The following IFT80 variants were observed in gnomAD, a reference collection of about 807,000 sequenced individuals.
The protein encoded by IFT80 is intraflagellar transport 80.
A neutral mutation model predicts 107.9 loss-of-function variants in IFT80; 79 were observed. That is an observed-to-expected ratio of 0.73 (90% confidence interval 0.61 to 0.88). IFT80 has a LOEUF of 0.88. Ranked by LOEUF, IFT80 falls within the 40% of genes least tolerant of loss-of-function variation. The probability of loss-of-function intolerance (pLI) is 0.00; values close to 1 mark genes in which losing one functional copy is unlikely to be tolerated. For synonymous variants in IFT80, 299 were observed against 300.9 expected (o/e 0.99, Z 0.07); for missense variants, 797 against 914.2 (o/e 0.87, Z 1.65).
At chr3:160,316,286 T>C (rs1404830677) in intron 9 of IFT80, among the ~76,000 whole-genome samples, 1 of 152,120 alleles carries the variant, frequency 6.6e-6, no homozygotes, top group Admixed American at 6.6e-5. Context: ...ATGACACTGA[T>C]GAACTGAATC....
chr3:160,344,549 A>G (rs1033531717), intron 8 of IFT80, among the ~76,000 whole-genome samples: 1 of 152,184 alleles, frequency 6.6e-6, no homozygotes, highest in Non-Finnish European at 1.5e-5. Context: ...TTCTTGAGTA[A>G]TACTCCACAA....
chr3:160,339,999 C>A (rs540437246), intron 8 of IFT80, among the ~76,000 whole-genome samples: 3 of 152,268 alleles, frequency 2.0e-5, no homozygotes, highest in African/African-American at 7.2e-5. Context: ...TGTTCTACAA[C>A]TAGCCAAAAT....
intron 8 of IFT80, among the ~76,000 whole-genome samples, chr3:160,354,880 C>G (rs1720959633): frequency 1.3e-5 from 2 of 152,198 alleles, no homozygotes; most frequent in Non-Finnish European, 1.5e-5. Context: ...GCTTTTAAAG[C>G]TAGGCAGAGG....
At chr3:160,384,422 T>C (rs919217580) in intron 2 of IFT80, 142 bp downstream of exon 2, 1 of 1,357,070 alleles carries the variant, frequency 7.4e-7, no homozygotes, top group African/African-American at 1.5e-5. Flanking sequence ...TGATCTTAAA[T>C]ACTTTAAAAC....
intron 9 of IFT80, among the ~76,000 whole-genome samples, chr3:160,317,802 T>C (rs964426945): frequency 2.6e-5 from 4 of 151,840 alleles, no homozygotes; most frequent in South Asian, 2.1e-4. Context: ...ACAAACAAAA[T>C]GCAGGACAGA....
chr3:160,392,887 T>C (rs1361263708), intron 1 of IFT80, among the ~76,000 whole-genome samples: 1 of 151,266 alleles, frequency 6.6e-6, no homozygotes. Context: ...CTGGGCAACA[T>C]AGTGAGACCC....
chr3:160,309,784 A>T (rs1290305990), intron 9 of IFT80, among the ~76,000 whole-genome samples: 1 of 147,046 alleles, frequency 6.8e-6, no homozygotes, highest in Admixed American at 6.8e-5. Flanking sequence ...GCTCACATTT[A>T]AAAAAAAAAC....
chr3:160,357,266 A>AT lies in IFT80; in HGVS notation c.639+222dup, dbSNP rs547075339. Among the ~76,000 whole-genome samples the AT allele has an allele frequency of 1.7e-3, 253 of 151,454 alleles. 1 individual carries two copies. Among genetic ancestry groups the AT allele is most frequent in the African/African-American group, 5.6e-3 (232 of 41,316 alleles). ...AGATGTGCTCCATCACAACTGGCTAATTTTTTTTTGTAGAGGTAGGGCCTC... is the reference window on the plus strand; with the variant it reads ...AGATGTGCTCCATCACAACTGGCTAATTTTTTTTTTGTAGAGGTAGGGCCTC... On this transcript the variant is annotated intron_variant, in intron 7 of 19. Transcript: ENST00000326448.
intron 13 of IFT80, among the ~76,000 whole-genome samples, chr3:160,283,398 C>T (rs1235136274): frequency 6.6e-6 from 1 of 152,108 alleles, no homozygotes; most frequent in Middle Eastern, 3.2e-3. Flanking sequence ...ACTACAACAT[C>T]AAGTCATTGT....
intron 7 of IFT80, 50 bp from the exon 8 acceptor site, chr3:160,356,200 C>A: frequency 2.0e-6 from 3 of 1,471,442 alleles, no homozygotes; most frequent in Non-Finnish European, 2.8e-6. Flanking sequence ...GAGAAGTTTG[C>A]AAAAACTAAA....
chr3:160,296,167 T>C (rs1192135267), intron 12 of IFT80, among the ~76,000 whole-genome samples: 1 of 152,116 alleles, frequency 6.6e-6, no homozygotes, highest in African/African-American at 2.4e-5. Flanking sequence ...ATGTTAACTA[T>C]TTCTATCACA....
intron 12 of IFT80, among the ~76,000 whole-genome samples, chr3:160,297,716 T>G (rs760504660): frequency 5.9e-5 from 9 of 152,136 alleles, no homozygotes; most frequent in Non-Finnish European, 1.3e-4. Context: ...GCTTTGGGTT[T>G]GGCTAAATCC....
In IFT80 at chr3:160,300,991, AGCGCCC is replaced by A. The variant is rs2108267254; in HGVS notation, c.1201_1206del (p.Gly401_Arg402del). On this transcript the variant is annotated inframe_deletion, in exon 12 of 20. Coordinates refer to ENST00000326448, the MANE Select transcript of IFT80 (RefSeq NM_020800.3). The stretch of plus-strand genomic sequence containing the variant: ...CCAGGAAATTTTGGAGATGAAATAA[AGCGCCC>A]TTCATATGAATATAAATAGATACTA... 1 of 1,604,330 alleles carries A rather than the reference AGCGCCC, an allele frequency of 6.2e-7. No individual in the cohort carries two copies. The highest frequency in any genetic ancestry group is 8.5e-7 in the Non-Finnish European group (1 of 1,172,948).
chr3:160,276,497 T>C (rs982950139), intron 18 of IFT80, among the ~76,000 whole-genome samples: 2 of 152,110 alleles, frequency 1.3e-5, no homozygotes, highest in African/African-American at 4.8e-5. Context: ...GAAAGACACT[T>C]CAAACCTGGA....
chr3:160,301,695 GTAGT>G (rs1716438809), intron 11 of IFT80, among the ~76,000 whole-genome samples: 1 of 151,922 alleles, frequency 6.6e-6, no homozygotes, highest in Non-Finnish European at 1.5e-5. Context: ...AGGGCTCTCT[GTAGT>G]TAATTTTTTA....
rs368159603 is a variant in IFT80, at chr3:160,372,206, C to T, written c.439+3606G>A. 8.1e-4 allele frequency among the ~76,000 whole-genome samples: 123 copies of T among 152,304 alleles called. 1 individual carries two copies. The South Asian group carries it at 0.025, about 31-fold the overall frequency. ...GACAAAGTCACATGGATGCTTCCAA[C>T]ACTTTACAGATTTCCAAATTTTATG... On this transcript the variant is annotated intron_variant, in intron 5 of 19. Transcript: ENST00000326448.
chr3:160,359,619 G>A (rs1419538505), intron 6 of IFT80, among the ~76,000 whole-genome samples: 1 of 152,136 alleles, frequency 6.6e-6, no homozygotes, highest in Non-Finnish European at 1.5e-5. Context: ...ACACCTCTGG[G>A]ACTAAGCTTC....
intron 8 of IFT80, among the ~76,000 whole-genome samples, chr3:160,355,412 C>A (rs966620560): frequency 2.0e-5 from 3 of 151,994 alleles, no homozygotes; most frequent in Non-Finnish European, 4.4e-5. Context: ...TCATGCCTGG[C>A]AAATTTTTCA....
At position 160,271,691 on chromosome 3, in the gene IFT80, A is replaced by C. The variant is rs376247866; in HGVS notation, c.2100-3155T>G. 1.1e-4 allele frequency among the ~76,000 whole-genome samples: 17 copies of C among 152,180 alleles called. 1 individual carries two copies. Among genetic ancestry groups the C allele is most frequent in the East Asian group, 7.7e-4 (4 of 5,194 alleles). ...AAGTGGAATATCACATATGAACAAA[A>C]CAAAATCTGTTCCCTTCTAGAGGAT... On this transcript the variant is annotated intron_variant, in intron 18 of 19. Transcript: ENST00000326448.
Sources: allele counts gnomAD v4.1 joint callset (sites outside exome capture counted in the v4.1 genomes callset), GRCh38; gene constraint gnomAD v4.1.1; transcripts MANE v1.5; gene names NCBI Gene and HGNC (gene_info 2026-07-23, HGNC 2026-07-21).